Variants in CACNA2D3 observed in about 807,000 individuals in gnomAD.
CACNA2D3 encodes voltage-dependent calcium channel subunit alpha-2/delta-3.
Under a neutral mutation model 160.6 loss-of-function variants are expected in CACNA2D3, and 60 were observed. The ratio of observed to expected loss-of-function variants is 0.37; its 90% CI spans 0.30 to 0.46. The LOEUF is 0.46. Ranked by LOEUF, CACNA2D3 falls within the 20% of genes least tolerant of loss-of-function variation. The pLI, the probability that CACNA2D3 is intolerant of heterozygous loss-of-function variation, is 1.00. For missense variants in CACNA2D3, 1,205 were observed against 1,365.0 expected (o/e 0.88, Z 1.85); for synonymous variants, 558 against 492.9 (o/e 1.13, Z -1.75).
intron 12 of CACNA2D3, among the ~76,000 whole-genome samples, chr3:54,762,513 A>G (rs1434029752): frequency 6.6e-6 from 1 of 151,576 alleles, no homozygotes; most frequent in African/African-American, 2.4e-5. Flanking sequence ...GCCAGGCCCC[A>G]GGGGGGGCAG....
intron 8 of CACNA2D3, among the ~76,000 whole-genome samples, chr3:54,572,000 T>C (rs1389899790): frequency 6.6e-6 from 1 of 152,124 alleles, no homozygotes; most frequent in Non-Finnish European, 1.5e-5. Context: ...ATGCTGTTGC[T>C]GTGGTCTGCA....
Position 54,871,642 on chromosome 3 carries a change from G to T in CACNA2D3, c.1710+20G>T, listed in dbSNP as rs1699536867. ...GACGTGGTAAGTGATTTGTTTTCAG[G>T]CCTCGTGGAGAAGGACCTGCATTGT... On this transcript the variant is annotated intron_variant, in intron 18 of 37. Transcript: ENST00000474759. The T allele has an allele frequency of 6.3e-7, 1 of 1,583,960 alleles. No individual in the cohort carries two copies. Among genetic ancestry groups the T allele is most frequent in the Non-Finnish European group, 8.7e-7 (1 of 1,152,632 alleles).
intron 3 of CACNA2D3, among the ~76,000 whole-genome samples, chr3:54,326,738 G>A (rs936454603): frequency 1.2e-4 from 18 of 152,194 alleles, no homozygotes; most frequent in African/African-American, 4.3e-4. Context: ...TTCTCAGGCA[G>A]TGGAGGTATA....
intron 4 of CACNA2D3, among the ~76,000 whole-genome samples, chr3:54,400,160 G>A (rs868679221): frequency 3.5e-5 from 5 of 144,738 alleles, no homozygotes; most frequent in Non-Finnish European, 6.0e-5. Context: ...GCTTCGGCTC[G>A]CGCACGGTGC....
intron 35 of CACNA2D3, among the ~76,000 whole-genome samples, chr3:55,037,347 G>T (rs1357466690): frequency 2.0e-5 from 3 of 152,130 alleles, no homozygotes; most frequent in Non-Finnish European, 4.4e-5. Flanking sequence ...GCTTAAAGTT[G>T]AACTTATGGA....
At chr3:54,840,719 A>ATTTTTT (rs35529003) in intron 16 of CACNA2D3, among the ~76,000 whole-genome samples, 5 of 85,740 alleles carry the variant, frequency 5.8e-5, no homozygotes, top group African/African-American at 2.4e-4. Context: ...AAGAGCCATG[A>ATTTTTT]TTTTTTTTTT....
chr3:54,991,196 G>T (rs979451679), intron 31 of CACNA2D3, among the ~76,000 whole-genome samples: 1 of 151,880 alleles, frequency 6.6e-6, no homozygotes, highest in Admixed American at 6.6e-5. Flanking sequence ...ATAAAAATGT[G>T]GGGCCCTGTG....
chr3:54,414,801 C>CTTTTTTTTTTTTTTTTTTA, intron 4 of CACNA2D3, among the ~76,000 whole-genome samples: 1 of 138,542 alleles, frequency 7.2e-6, no homozygotes, highest in Admixed American at 7.2e-5. Flanking sequence ...ATTCTTTTAA[C>CTTTTTTTTTTTTTTTTTTA]TTTTTTTTTT....
At chr3:55,036,657 A>G (rs1188864569) in intron 35 of CACNA2D3, among the ~76,000 whole-genome samples, 1 of 151,370 alleles carries the variant, frequency 6.6e-6, no homozygotes, top group Non-Finnish European at 1.5e-5. Flanking sequence ...TAGTAGAGAC[A>G]GGGTTTCACC....
chr3:54,486,137 G>C (rs1701012598), intron 4 of CACNA2D3, among the ~76,000 whole-genome samples: 1 of 152,210 alleles, frequency 6.6e-6, no homozygotes, highest in African/African-American at 2.4e-5. Context: ...AGACTGTAAA[G>C]AGGAGACTAG....
At chr3:54,880,894 T>A (rs1387388813) in intron 21 of CACNA2D3, 31 bp downstream of exon 21, 7 of 1,599,482 alleles carry the variant, frequency 4.4e-6, no homozygotes, top group Non-Finnish European at 6.0e-6. Flanking sequence ...TCTTATCCTT[T>A]GGTGTGGGAG....
At chr3:54,956,137 A>G (rs1191339648) in intron 27 of CACNA2D3, among the ~76,000 whole-genome samples, 2 of 152,176 alleles carry the variant, frequency 1.3e-5, no homozygotes, top group Middle Eastern at 6.8e-3. Context: ...GCCTTGGGCC[A>G]GGTCTGCTGC....
At chr3:54,998,323 G>A (rs1221260528) in intron 31 of CACNA2D3, among the ~76,000 whole-genome samples, 1 of 151,938 alleles carries the variant, frequency 6.6e-6, no homozygotes, top group East Asian at 1.9e-4. Context: ...TAATAGAGAT[G>A]GGGTTTTGCC....
At chr3:54,704,639 C>A (rs1038239930) in intron 11 of CACNA2D3, among the ~76,000 whole-genome samples, 1 of 152,108 alleles carries the variant, frequency 6.6e-6, no homozygotes, top group Non-Finnish European at 1.5e-5. Flanking sequence ...CACAGCTGTA[C>A]GGGGGTGGAA....
At chr3:54,190,019 A>G (rs867447146) in intron 2 of CACNA2D3, among the ~76,000 whole-genome samples, 2 of 152,334 alleles carry the variant, frequency 1.3e-5, no homozygotes, top group East Asian at 1.9e-4. Context: ...TATTTGTCCC[A>G]GTTCTGAAAG....
chr3:54,450,626 C>T (rs548887551), intron 4 of CACNA2D3, among the ~76,000 whole-genome samples: 46 of 152,136 alleles, frequency 3.0e-4, no homozygotes, highest in African/African-American at 8.7e-4. Flanking sequence ...GGCACCTCCC[C>T]GGCCCTCTCT....
At chr3:54,786,916 A>G (rs1241062088) in intron 13 of CACNA2D3, among the ~76,000 whole-genome samples, 1 of 152,340 alleles carries the variant, frequency 6.6e-6, no homozygotes, top group Non-Finnish European at 1.5e-5. Context: ...CCATGAATGT[A>G]TGACTTCAAC....
chr3:54,767,702 A>C (rs1702249423), intron 13 of CACNA2D3, among the ~76,000 whole-genome samples: 1 of 152,140 alleles, frequency 6.6e-6, no homozygotes, highest in Admixed American at 6.5e-5. Context: ...GACAATAATA[A>C]TAATAAGCTT....
intron 4 of CACNA2D3, among the ~76,000 whole-genome samples, chr3:54,421,485 C>T (rs1408005600): frequency 6.6e-6 from 1 of 151,954 alleles, no homozygotes; most frequent in Non-Finnish European, 1.5e-5. Context: ...AGAGGCAGAG[C>T]AGGTGACACC....
Sources: gnomAD v4.1 joint callset for allele counts (sites outside exome capture counted in the v4.1 genomes callset) on GRCh38, gnomAD v4.1.1 for gene constraint, MANE v1.5 for transcripts, NCBI Gene and HGNC (gene_info 2026-07-23, HGNC 2026-07-21) for gene names.